The following BBS9 variants were observed in gnomAD, a reference collection of about 807,000 sequenced individuals.
BBS9 encodes Bardet-Biedl syndrome 9, also known as protein PTHB1.
A neutral mutation model predicts 117.7 loss-of-function variants in BBS9; 89 were observed. That is an observed-to-expected ratio of 0.76 (90% confidence interval 0.64 to 0.90). The LOEUF is 0.90. BBS9 is among the 40% of genes least tolerant of loss of function. The probability of loss-of-function intolerance (pLI) is 0.00; values close to 1 mark genes in which losing one functional copy is unlikely to be tolerated. For synonymous variants in BBS9, 379 were observed against 370.9 expected (o/e 1.02, Z -0.25); for missense variants, 982 against 1,042.2 (o/e 0.94, Z 0.80).
At chr7:33,298,325 C>T (rs1487548037) in intron 9 of BBS9, among the ~76,000 whole-genome samples, 1 of 152,022 alleles carries the variant, frequency 6.6e-6, no homozygotes, top group Non-Finnish European at 1.5e-5. Context: ...TCAGTGCCTC[C>T]CCGCTTTTCT....
intron 5 of BBS9, among the ~76,000 whole-genome samples, chr7:33,248,715 G>A (rs1795758409): frequency 6.6e-6 from 1 of 152,148 alleles, no homozygotes; most frequent in Non-Finnish European, 1.5e-5. Flanking sequence ...TAGTGTTTCA[G>A]TCTTTCTGTA....
At chr7:33,455,353 A>G (rs1049677187) in intron 19 of BBS9, among the ~76,000 whole-genome samples, 1 of 152,168 alleles carries the variant, frequency 6.6e-6, no homozygotes, top group African/African-American at 2.4e-5. Flanking sequence ...TGAGATAGCG[A>G]TTCTGGGCTA....
chr7:33,196,977 T>C (rs1400833257), intron 5 of BBS9, among the ~76,000 whole-genome samples: 1 of 152,182 alleles, frequency 6.6e-6, no homozygotes, highest in East Asian at 1.9e-4. Context: ...TTAAAGTTGT[T>C]ACTTTTTCTA....
intron 19 of BBS9, among the ~76,000 whole-genome samples, chr7:33,426,292 C>A (rs557667928): frequency 7.2e-5 from 11 of 152,292 alleles, no homozygotes; most frequent in African/African-American, 2.4e-4. Context: ...CCAGCTATTG[C>A]TAAGCACTTT....
At chr7:33,627,278 T>C (rs1024760878) in intron 21 of BBS9, among the ~76,000 whole-genome samples, 6 of 152,330 alleles carry the variant, frequency 3.9e-5, no homozygotes, top group Admixed American at 3.9e-4. Flanking sequence ...GGCCTGCAGG[T>C]GCATAAAGGG....
At chr7:33,178,357 G>A (rs188000241) in intron 5 of BBS9, among the ~76,000 whole-genome samples, 17 of 152,324 alleles carry the variant, frequency 1.1e-4, no homozygotes, top group African/African-American at 4.1e-4. Context: ...GCAGAGGGGT[G>A]TCTTTTTCTA....
chr7:33,351,708 G>A (rs1483576084), intron 14 of BBS9, among the ~76,000 whole-genome samples: 1 of 152,118 alleles, frequency 6.6e-6, no homozygotes, highest in South Asian at 2.1e-4. Flanking sequence ...TAGGCATGCG[G>A]ACACAGTGAG....
At chr7:33,522,707 C>A (rs1247889624) in intron 20 of BBS9, among the ~76,000 whole-genome samples, 1 of 149,962 alleles carries the variant, frequency 6.7e-6, no homozygotes, top group Non-Finnish European at 1.5e-5. Context: ...TGCCTGTTCA[C>A]TCTGATGGTA....
chr7:33,417,606 A>G (rs908267714), intron 19 of BBS9, among the ~76,000 whole-genome samples: 20 of 152,242 alleles, frequency 1.3e-4, no homozygotes, highest in African/African-American at 4.8e-4. Context: ...AGGCTCTAAG[A>G]CAAAGGTTGC....
chr7:33,407,025 A>AG (rs201015642), intron 19 of BBS9, among the ~76,000 whole-genome samples: 91,316 of 151,766 alleles, frequency 0.6, 27,852 homozygotes, highest in African/African-American at 0.69. Context: ...TATCCTGCAG[A>AG]TGTTTTCCAA....
intron 11 of BBS9, among the ~76,000 whole-genome samples, chr7:33,343,189 A>G (rs181646395): frequency 6.6e-6 from 1 of 152,168 alleles, no homozygotes; most frequent in Non-Finnish European, 1.5e-5. Context: ...AACGCAATGG[A>G]TCATATTCAT....
At chr7:33,157,301 G>A (rs1228528545) in intron 4 of BBS9, among the ~76,000 whole-genome samples, 1 of 152,168 alleles carries the variant, frequency 6.6e-6, no homozygotes, top group Non-Finnish European at 1.5e-5. Flanking sequence ...ATTTGTTTAT[G>A]GCATATTGAT....
At chr7:33,561,270 C>T (rs1206625020) in intron 21 of BBS9, among the ~76,000 whole-genome samples, 1 of 152,154 alleles carries the variant, frequency 6.6e-6, no homozygotes, top group African/African-American at 2.4e-5. Flanking sequence ...CTTCTCTCTC[C>T]GCCCAACTCC....
intron 19 of BBS9, among the ~76,000 whole-genome samples, chr7:33,455,775 A>C (rs1298137823): frequency 6.6e-6 from 1 of 152,346 alleles, no homozygotes; most frequent in Middle Eastern, 3.4e-3. Context: ...AGAGGATTGT[A>C]TTAATAAGAA....
At chr7:33,416,581 G>T (rs1247778173) in intron 19 of BBS9, among the ~76,000 whole-genome samples, 2 of 152,048 alleles carry the variant, frequency 1.3e-5, no homozygotes, top group African/African-American at 4.8e-5. Context: ...TGCAACAAAT[G>T]TTATGTGAGT....
chr7:33,164,722 G>A (rs975061992), intron 4 of BBS9, among the ~76,000 whole-genome samples: 10 of 152,100 alleles, frequency 6.6e-5, no homozygotes, highest in Admixed American at 3.9e-4. Context: ...GCCTATGTGT[G>A]TCTCTGCATG....
chr7:33,386,442 A>T (rs907377538), intron 18 of BBS9, among the ~76,000 whole-genome samples: 7 of 150,156 alleles, frequency 4.7e-5, no homozygotes, highest in Non-Finnish European at 1.0e-4. Flanking sequence ...TGTGACTTTG[A>T]CTAGCTTGCT....
intron 19 of BBS9, among the ~76,000 whole-genome samples, chr7:33,420,548 G>A (rs1048999348): frequency 6.6e-6 from 1 of 152,120 alleles, no homozygotes; most frequent in South Asian, 2.1e-4. Flanking sequence ...CATGCAGCAG[G>A]TGCTTTGGTT....
chr7:33,524,639 T>C lies in BBS9; in HGVS notation c.2299-9315T>C, dbSNP rs539836949. On this transcript the variant is annotated intron_variant, in intron 20 of 22. Coordinates refer to ENST00000242067, the MANE Select transcript of BBS9 (RefSeq NM_198428.3). ...ATTGCGTCTATTTGATTCTTCTCTCTTTTTTTCTTTATTAGTCTTGCTAGC... is the reference window on the plus strand; with the variant it reads ...ATTGCGTCTATTTGATTCTTCTCTCCTTTTTTCTTTATTAGTCTTGCTAGC... 3.9e-5 allele frequency among the ~76,000 whole-genome samples: 6 copies of C among 152,290 alleles called. No homozygotes were observed. The South Asian group carries it at 6.2e-4, about 16-fold the overall frequency.
Sources: allele counts gnomAD v4.1 joint callset (sites outside exome capture counted in the v4.1 genomes callset), GRCh38; gene constraint gnomAD v4.1.1; transcripts MANE v1.5; gene names NCBI Gene and HGNC (gene_info 2026-07-23, HGNC 2026-07-21).